Variants in SLC20A2 observed in about 807,000 individuals in gnomAD.
The protein encoded by SLC20A2 is sodium-dependent phosphate transporter 2.
Under a neutral mutation model 61.0 loss-of-function variants are expected in SLC20A2, and 30 were observed. That is an observed-to-expected ratio of 0.49 (90% CI 0.37 to 0.67). SLC20A2 has a LOEUF of 0.67. Ranked by LOEUF, SLC20A2 falls within the 30% of genes least tolerant of loss-of-function variation. SLC20A2 has a pLI of 0.00. For synonymous variants in SLC20A2, 351 were observed against 353.3 expected (o/e 0.99, Z 0.07); for missense variants, 626 against 866.4 (o/e 0.72, Z 3.48).
At chr8:42,426,241 A>T (rs925724860) in intron 10 of SLC20A2, among the ~76,000 whole-genome samples, 1 of 152,206 alleles carries the variant, frequency 6.6e-6, no homozygotes, top group African/African-American at 2.4e-5. Context: ...TATACTTTTC[A>T]TCTATTCCTA....
intron 2 of SLC20A2, among the ~76,000 whole-genome samples, chr8:42,467,519 G>GCA (rs1004604145): frequency 1.3e-5 from 2 of 152,218 alleles, no homozygotes; most frequent in Admixed American, 6.5e-5. Context: ...AAACCTGGTT[G>GCA]CCTGGCAGCA....
chr8:42,447,674 C>T (rs1392457822), intron 5 of SLC20A2, among the ~76,000 whole-genome samples: 1 of 151,974 alleles, frequency 6.6e-6, no homozygotes, highest in Non-Finnish European at 1.5e-5. Context: ...GAGATTCTAT[C>T]TCAGAAGAAA....
At position 42,472,035 on chromosome 8, in the gene SLC20A2, G is replaced by T. The variant is rs1807677909; in HGVS notation, c.289+67C>A. The T allele has an allele frequency of 6.9e-7, 1 of 1,439,282 alleles. No individual in the cohort carries two copies. The highest frequency in any genetic ancestry group is 9.6e-7 in the Non-Finnish European group (1 of 1,036,870). 89.2% of individuals were successfully genotyped at this position (1,439,282 alleles called of 1,614,324 possible). On this transcript the variant is annotated intron_variant, in intron 2 of 10. Transcript: ENST00000520262. This position sits in a 1 kb window ranked among gnomAD's most constrained non-coding sequence, Gnocchi z 4.1. ...GCAAAAATCACATTTATGGATATGG[G>T]CAAAGTACTGCAGGGAAGCGGGTCA...
At chr8:42,427,688 G>A (rs1442312521) in intron 10 of SLC20A2, among the ~76,000 whole-genome samples, 3 of 152,156 alleles carry the variant, frequency 2.0e-5, no homozygotes, top group African/African-American at 7.2e-5. Flanking sequence ...TTTGAAACAC[G>A]CTGCTGGGCC....
In SLC20A2 at chr8:42,472,184, G is replaced by C. The variant is rs535415280; in HGVS notation, c.207C>G (p.Thr69=). 8.7e-6 allele frequency: 14 copies of C among 1,614,124 alleles called. 1 individual carries two copies. The South Asian group carries it at 1.3e-4, about 15-fold the overall frequency. The part of the protein sequence containing the change: ...SVLLGAKVGE[T]IRKGIIDVNL... ...TCACGTCAATGATACCTTTGCGAATGGTTTCTCCTACTTTGGCGCCTAGTA... is the reference window on the plus strand; with the variant it reads ...TCACGTCAATGATACCTTTGCGAATCGTTTCTCCTACTTTGGCGCCTAGTA... The change falls in exon 2 of 11, where the codon ACC becomes ACG. Residue 69 remains threonine (T), a synonymous_variant. Transcript: ENST00000520262. The surrounding 1 kb of genome is among the most constrained non-coding windows in gnomAD (Gnocchi z 4.1).
At chr8:42,499,363 C>T (rs962601594) in intron 1 of SLC20A2, among the ~76,000 whole-genome samples, 1 of 152,128 alleles carries the variant, frequency 6.6e-6, no homozygotes, top group African/African-American at 2.4e-5. Flanking sequence ...CGAGGAATTC[C>T]GGCACTAACA....
rs145526625 is a variant in SLC20A2 at position 42,479,806 on chromosome 8, C to T, written c.-264-7152G>A. ...AGCCACTGCACTCTAGCCTGGGTGA[C>T]GGAGTGAGACCTTGTCTGGAAAAAA... On this transcript the variant is annotated intron_variant, in intron 1 of 10. Transcript: ENST00000520262. 5.9e-5 allele frequency among the ~76,000 whole-genome samples: 9 copies of T among 152,086 alleles called. No homozygotes were observed. In the South Asian group the frequency reaches 6.2e-4, roughly 11 times the overall value.
chr8:42,439,328 T>C (rs944140196), intron 7 of SLC20A2, 122 bp downstream of exon 7: 2 of 909,950 alleles, frequency 2.2e-6, no homozygotes, highest in African/African-American at 3.4e-5. Context: ...TTTCTCAAAT[T>C]ATAAAACTGG....
At chr8:42,450,409 G>A (rs1472561024) in intron 5 of SLC20A2, among the ~76,000 whole-genome samples, 2 of 151,930 alleles carry the variant, frequency 1.3e-5, no homozygotes, top group Admixed American at 6.6e-5. Flanking sequence ...TGTATTTTTA[G>A]TAGAGATGGG....
chr8:42,537,396 C>A (rs1396586433), intron 1 of SLC20A2: 1 of 150,358 alleles, frequency 6.7e-6, no homozygotes, highest in Non-Finnish European at 1.5e-5. Flanking sequence ...AAAAAAGATT[C>A]CACAAAAAGA....
intron 5 of SLC20A2, among the ~76,000 whole-genome samples, chr8:42,458,942 C>T (rs1284218200): frequency 2.5e-5 from 3 of 119,174 alleles, no homozygotes; most frequent in Non-Finnish European, 3.5e-5. Context: ...AATTTTTAAC[C>T]CCCCCCCCCA....
In SLC20A2 at chr8:42,522,905, G is replaced by C. The variant is rs1333917602; in HGVS notation, c.-265+18916C>G. ...AAAAAAAAAAATCTGTAGAGATGGC[G>C]GGGTGGGGGGGGTCTCTCTGTGTTG... is the stretch of plus-strand genomic sequence containing the variant. On this transcript the variant is annotated intron_variant, in intron 1 of 10. Transcript: ENST00000342228. Among the ~76,000 whole-genome samples, 19 of 72,146 alleles carry C rather than the reference G, an allele frequency of 2.6e-4. 1 individual carries two copies. Among genetic ancestry groups the C allele is most frequent in the Middle Eastern group, 0.013 (2 of 156 alleles). The allele number at this position is 72,146 out of a possible 152,430, so 47.3% of individuals were successfully genotyped here.
intron 1 of SLC20A2, among the ~76,000 whole-genome samples, chr8:42,539,682 TA>T (rs1431881207): frequency 1.3e-5 from 2 of 152,174 alleles, no homozygotes; most frequent in Non-Finnish European, 2.9e-5. Flanking sequence ...TACCCTTAAT[TA>T]GGAATGTCAC....
At chr8:42,491,913 C>T (rs796262138) in intron 1 of SLC20A2, among the ~76,000 whole-genome samples, 1 of 152,314 alleles carries the variant, frequency 6.6e-6, no homozygotes, top group African/African-American at 2.4e-5. Context: ...TGGGACTTAA[C>T]TCAGTTAGAA....
intron 5 of SLC20A2, among the ~76,000 whole-genome samples, chr8:42,454,417 A>G (rs1416639577): frequency 6.6e-6 from 1 of 152,108 alleles, no homozygotes; most frequent in Non-Finnish European, 1.5e-5. Flanking sequence ...CACCTTCATT[A>G]TCTCAGGGAC....
At chr8:42,433,599 A>C (rs1804030186) in intron 8 of SLC20A2, among the ~76,000 whole-genome samples, 1 of 152,216 alleles carries the variant, frequency 6.6e-6, no homozygotes, top group Non-Finnish European at 1.5e-5. Context: ...CTGGGATTAC[A>C]GGCATGAGTA....
Position 42,489,318 on chromosome 8 carries a change from C to A in SLC20A2, c.-265+11713G>T, listed in dbSNP as rs528961986. 2.0e-5 allele frequency among the ~76,000 whole-genome samples: 3 copies of A among 152,104 alleles called. No homozygotes were observed. The South Asian group carries it at 6.2e-4, about 32-fold the overall frequency. ...TGAGTCTGCCAGTGTACCTTCTTTC[C>A]ATTACCTAAACACGGTTTTCTTTAG... On this transcript the variant is annotated intron_variant, in intron 1 of 10. Transcript: ENST00000520262.
Position 42,437,700 on chromosome 8 carries a change from C to T in SLC20A2, c.935-123G>A. ...ATGGCGCAATCTCGGCTCACTGCAA[C>T]CTTCGCCTCCCGGGTTCAAGCGATT... On this transcript the variant is annotated intron_variant, in intron 7 of 10. Transcript: ENST00000520262. The surrounding 1 kb of genome is among the most constrained non-coding windows in gnomAD (Gnocchi z 6.4). 8.0e-6 allele frequency: 6 copies of T among 748,320 alleles called. No homozygotes were observed. Among genetic ancestry groups the T allele is most frequent in the Non-Finnish European group, 1.2e-5 (6 of 495,612 alleles). 46.4% of individuals were successfully genotyped at this position (748,320 alleles called of 1,614,324 possible).
In SLC20A2 at chr8:42,437,282, T is replaced by G. The variant is rs943755261; in HGVS notation, c.1230A>C (p.Pro410=). Residue 410 remains proline (P), a synonymous_variant, in exon 8 of 11, where the codon CCA becomes CCC. Coordinates refer to ENST00000520262, the MANE Select transcript of SLC20A2 (RefSeq NM_001257180.2). The surrounding 1 kb of genome is among the most constrained non-coding windows in gnomAD (Gnocchi z 6.4). ...CGCCCACCAGCTTCTCACTGTCCTC[T>G]GGGGCCGATGAGTCCGCAGCTCGAA... ...ATFRAADSSA[P]EDSEKLVGDT... is the part of the protein sequence containing the mutation. 2.5e-6 allele frequency: 4 copies of G among 1,614,134 alleles called. No individual in the cohort carries two copies. The highest frequency in any genetic ancestry group is 1.3e-5 in the African/African-American group (1 of 75,060).
Sources: allele counts gnomAD v4.1 joint callset (sites outside exome capture counted in the v4.1 genomes callset), GRCh38; gene constraint gnomAD v4.1.1; non-coding constraint Gnocchi (gnomAD v3.1); transcripts MANE v1.5; gene names NCBI Gene and HGNC (gene_info 2026-07-23, HGNC 2026-07-21).